Variants in KCNN3 observed in about 807,000 individuals in gnomAD.
KCNN3 encodes small conductance calcium-activated potassium channel protein 3.
KCNN3 carries 16 observed loss-of-function variants against 62.9 expected under a neutral mutation model. The ratio of observed to expected loss-of-function variants is 0.25; its 90% CI spans 0.17 to 0.39. The LOEUF (loss-of-function observed/expected upper bound fraction) is 0.39. Among genes scored for constraint, KCNN3 ranks in the 10% least tolerant of loss-of-function variants. The pLI is 1.00. For synonymous variants in KCNN3, 370 were observed against 389.2 expected, an observed-to-expected ratio of 0.95 and a Z score of 0.58; for missense variants, 599 against 949.4, an observed-to-expected ratio of 0.63 and a Z score of 4.85.
At chr1:154,849,307 G>GA (rs1227643636) in intron 1 of KCNN3, among the ~76,000 whole-genome samples, 3 of 152,268 alleles carry the variant, frequency 2.0e-5, no homozygotes, top group Non-Finnish European at 4.4e-5. Flanking sequence ...CAAGAAGCAA[G>GA]ATGGAGCAGG....
At chr1:154,855,411 C>T (rs1318994578) in intron 1 of KCNN3, among the ~76,000 whole-genome samples, 2 of 152,188 alleles carry the variant, frequency 1.3e-5, no homozygotes, top group Non-Finnish European at 2.9e-5. Flanking sequence ...CCCACAGCAA[C>T]CTCCAGTCCT....
At position 154,858,898 on chromosome 1, in the gene KCNN3, G is replaced by A. The variant is rs576417256; in HGVS notation, c.933+10134C>T. ...GGGCCTTGGGGTCCTATAAGGAGGA[G>A]GATGGTCCTTTCCCTGCCTTCCTCA... On this transcript the variant is annotated intron_variant, in intron 1 of 7. Transcript: ENST00000271915. Among the ~76,000 whole-genome samples the A allele has an allele frequency of 1.2e-4, 18 of 152,294 alleles. No individual in the cohort carries two copies. The South Asian group carries it at 2.5e-3, about 21-fold the overall frequency.
intron 2 of KCNN3, among the ~76,000 whole-genome samples, chr1:154,785,687 A>G (rs1463592539): frequency 6.8e-6 from 1 of 147,360 alleles, no homozygotes; most frequent in African/African-American, 2.5e-5. Flanking sequence ...GGTTCAAGCA[A>G]TTATCCTGCC....
At chr1:154,783,450 T>A (rs1649145306) in intron 2 of KCNN3, among the ~76,000 whole-genome samples, 2 of 152,170 alleles carry the variant, frequency 1.3e-5, no homozygotes, top group South Asian at 4.1e-4. Flanking sequence ...CCATTTATCA[T>A]CTTTCCCTTC....
At chr1:154,806,870 A>G (rs1650192682) in intron 2 of KCNN3, among the ~76,000 whole-genome samples, 2 of 152,172 alleles carry the variant, frequency 1.3e-5, no homozygotes, top group Non-Finnish European at 2.9e-5. Context: ...TCGACCAGGG[A>G]GGTGAGGAAG....
chr1:154,760,085 T>C (rs1186724871), intron 3 of KCNN3, among the ~76,000 whole-genome samples: 1 of 151,898 alleles, frequency 6.6e-6, no homozygotes, highest in Non-Finnish European at 1.5e-5. Context: ...CGATCTTGGC[T>C]CACTGCAACC....
intron 2 of KCNN3, among the ~76,000 whole-genome samples, chr1:154,801,643 G>A (rs1000736251): frequency 2.6e-5 from 4 of 152,148 alleles, no homozygotes; most frequent in Non-Finnish European, 5.9e-5. Flanking sequence ...TGCAACTTTT[G>A]CCACTTATTT....
chr1:154,820,977 G>A (rs1390415546), intron 2 of KCNN3, among the ~76,000 whole-genome samples: 1 of 152,188 alleles, frequency 6.6e-6, no homozygotes, highest in African/African-American at 2.4e-5. Context: ...TGAAAATGCC[G>A]AGTAACAAAT....
In KCNN3 at chr1:154,733,009, G is replaced by A. The variant is rs545239721; in HGVS notation, c.1584C>T (p.Gly528=). ...GGGAGAGGCGGGTACTCACCATGATGCCAGTGAGGAGACAGACACCTTTCC... is the reference window on the plus strand; with the variant it reads ...GGGAGAGGCGGGTACTCACCATGATACCAGTGAGGAGACAGACACCTTTCC... ...YCGKGVCLLT[G]IMGAGCTALV... Residue 528 remains glycine, a synonymous_variant, in exon 4 of 8, where the codon GGC becomes GGT. Coordinates refer to ENST00000271915, the MANE Select transcript of KCNN3 (RefSeq NM_002249.6). 6.2e-7 allele frequency: 1 copy of A among 1,614,096 alleles called. No individual in the cohort carries two copies. Among genetic ancestry groups the A allele is most frequent in the South Asian group, 1.1e-5 (1 of 91,080 alleles).
chr1:154,748,052 G>C (rs1196940772), intron 3 of KCNN3, among the ~76,000 whole-genome samples: 1 of 152,200 alleles, frequency 6.6e-6, no homozygotes, highest in African/African-American at 2.4e-5. Context: ...AGCCTCCATT[G>C]GTTGGTTGGT....
chr1:154,731,342 C>T (rs1700587538), intron 4 of KCNN3, among the ~76,000 whole-genome samples: 1 of 152,240 alleles, frequency 6.6e-6, no homozygotes, highest in South Asian at 2.1e-4. Flanking sequence ...TATCACAACC[C>T]CAGCGCTAAG....
intron 1 of KCNN3, among the ~76,000 whole-genome samples, chr1:154,836,350 C>A (rs1651584379): frequency 6.6e-6 from 1 of 152,160 alleles, no homozygotes; most frequent in South Asian, 2.1e-4. Context: ...TGGGCTCCTG[C>A]CCCCCGTCTA....
At chr1:154,777,691 G>A (rs554117340) in intron 2 of KCNN3, among the ~76,000 whole-genome samples, 8 of 152,200 alleles carry the variant, frequency 5.3e-5, no homozygotes, top group Non-Finnish European at 1.0e-4. Context: ...TCCTCCCCTA[G>A]GGCTTAGTCT....
At chr1:154,714,368 T>G (rs1379052099) in intron 6 of KCNN3, among the ~76,000 whole-genome samples, 15 of 108,242 alleles carry the variant, frequency 1.4e-4, no homozygotes, top group South Asian at 3.2e-4. Context: ...TGTGTATGGT[T>G]TGTGTGAGGT....
At chr1:154,816,397 G>A (rs1381277745) in intron 2 of KCNN3, among the ~76,000 whole-genome samples, 1 of 152,178 alleles carries the variant, frequency 6.6e-6, no homozygotes, top group East Asian at 1.9e-4. Flanking sequence ...TATGAACTCT[G>A]CCACTGCTCT....
intron 2 of KCNN3, among the ~76,000 whole-genome samples, chr1:154,777,742 C>T (rs1052131219): frequency 1.1e-4 from 16 of 152,160 alleles, no homozygotes; most frequent in Admixed American, 5.9e-4. Flanking sequence ...TGACTGTTGG[C>T]CTCTGATGGA....
chr1:154,857,648 C>T (rs1358390488), intron 1 of KCNN3, among the ~76,000 whole-genome samples: 1 of 152,142 alleles, frequency 6.6e-6, no homozygotes, highest in African/African-American at 2.4e-5. Flanking sequence ...GGAGACACTC[C>T]CCTGTGTGCA....
At chr1:154,714,774 A>G in intron 6 of KCNN3, 102 bp downstream of exon 6, 1 of 1,510,112 alleles carries the variant, frequency 6.6e-7, no homozygotes, top group Non-Finnish European at 9.2e-7. Context: ...CCACTTGTTG[A>G]GTGGAACAGA....
intron 2 of KCNN3, among the ~76,000 whole-genome samples, chr1:154,819,965 A>G (rs914268232): frequency 4.6e-5 from 7 of 152,238 alleles, no homozygotes; most frequent in Non-Finnish European, 8.8e-5. Context: ...TGTGGTTCCC[A>G]TACTTCAGAT....
Sources: allele counts gnomAD v4.1 joint callset (sites outside exome capture counted in the v4.1 genomes callset), GRCh38; gene constraint gnomAD v4.1.1; transcripts MANE v1.5; gene names NCBI Gene and HGNC (gene_info 2026-07-23, HGNC 2026-07-21).